GALNTL6: variants seen among roughly 807,000 people sequenced by gnomAD.
The protein encoded by GALNTL6 is polypeptide N-acetylgalactosaminyltransferase like 6.
Under a neutral mutation model 73.7 loss-of-function variants are expected in GALNTL6, and 46 were observed. The ratio of observed to expected loss-of-function variants is 0.62; its 90% CI spans 0.49 to 0.80. The LOEUF is 0.80. Among genes scored for constraint, GALNTL6 ranks in the 30% least tolerant of loss-of-function variants. The pLI is 0.00. For synonymous variants in GALNTL6, 259 were observed against 263.7 expected (o/e 0.98, Z 0.17); for missense variants, 604 against 755.0 (o/e 0.80, Z 2.34).
chr4:172,546,130 A>T (rs1053505294), intron 5 of GALNTL6, among the ~76,000 whole-genome samples: 2 of 152,166 alleles, frequency 1.3e-5, no homozygotes, highest in Non-Finnish European at 2.9e-5. Flanking sequence ...CATTTTATGG[A>T]TGACAAAACC....
At position 172,955,790 on chromosome 4, in the gene GALNTL6, T is replaced by A. The variant is rs187633752; in HGVS notation, c.1371+3532T>A. Among the ~76,000 whole-genome samples the A allele has an allele frequency of 1.4e-3, 214 of 147,726 alleles. 1 individual carries two copies. The highest frequency in any genetic ancestry group is 5.1e-3 in the African/African-American group (204 of 39,828). Reference sequence around the variant, plus strand: ...AGGGGTGGGGCCGTTTTATAGGATTTGGGTAGGTAAAGGAAAATTACAGTC... The same window carrying A: ...AGGGGTGGGGCCGTTTTATAGGATTAGGGTAGGTAAAGGAAAATTACAGTC... On this transcript the variant is annotated intron_variant, in intron 10 of 12. Coordinates refer to ENST00000506823, the MANE Select transcript of GALNTL6 (RefSeq NM_001034845.3).
intron 2 of GALNTL6, among the ~76,000 whole-genome samples, chr4:171,835,334 G>T (rs1735071822): frequency 6.6e-6 from 1 of 151,996 alleles, no homozygotes; most frequent in South Asian, 2.1e-4. Flanking sequence ...ATCTGTGTGT[G>T]TCTGTATGTC....
At chr4:172,605,228 G>T (rs1270046115) in intron 5 of GALNTL6, among the ~76,000 whole-genome samples, 2 of 152,112 alleles carry the variant, frequency 1.3e-5, no homozygotes, top group African/African-American at 4.8e-5. Flanking sequence ...TCTGTAAAGT[G>T]TGCTGCTAAA....
intron 2 of GALNTL6, among the ~76,000 whole-genome samples, chr4:172,072,475 G>A (rs1011204612): frequency 6.6e-6 from 1 of 151,910 alleles, no homozygotes; most frequent in South Asian, 2.1e-4. Context: ...GCCTCACCTT[G>A]AACTACACAC....
At chr4:172,285,099 C>A (rs2111087376) in intron 3 of GALNTL6, among the ~76,000 whole-genome samples, 1 of 152,168 alleles carries the variant, frequency 6.6e-6, no homozygotes, top group East Asian at 1.9e-4. Flanking sequence ...CTAATTGTGT[C>A]ATCTGCATTT....
intron 10 of GALNTL6, among the ~76,000 whole-genome samples, chr4:172,977,092 C>T (rs756217815): frequency 6.6e-6 from 1 of 152,234 alleles, no homozygotes; most frequent in Non-Finnish European, 1.5e-5. Flanking sequence ...TCAGCACATT[C>T]TCTCCATGTA....
chr4:172,768,273 G>A (rs1738557079), intron 5 of GALNTL6, among the ~76,000 whole-genome samples: 1 of 152,086 alleles, frequency 6.6e-6, no homozygotes. Context: ...GCAGGAGAGA[G>A]AAGAGGCAGA....
In GALNTL6 at chr4:172,745,446, T is replaced by TATACACAC. The variant is rs34523518; in HGVS notation, c.554-63914_554-63913insTACACACA. Among the ~76,000 whole-genome samples, 137 of 145,316 alleles carry TATACACAC rather than the reference T, an allele frequency of 9.4e-4. 3 individuals carry two copies. Among genetic ancestry groups the TATACACAC allele is most frequent in the African/African-American group, 2.6e-3 (100 of 38,094 alleles). Reference sequence around the variant, plus strand: ...TTTTCAAAACATATATATATATATGTACACATAACTTTTATAATTAGAAAA... The same window carrying TATACACAC: ...TTTTCAAAACATATATATATATATGTATACACACACACATAACTTTTATAATTAGAAAA... On this transcript the variant is annotated intron_variant, in intron 5 of 12. Transcript: ENST00000506823.
chr4:172,931,336 G>A (rs1471687306), intron 9 of GALNTL6, 68 bp downstream of exon 9: 1 of 893,134 alleles, frequency 1.1e-6, no homozygotes, highest in African/African-American at 1.6e-5. Context: ...AACCAACCTT[G>A]CCCATGGCAC....
chr4:172,815,988 T>C (rs1324263760), intron 7 of GALNTL6, among the ~76,000 whole-genome samples: 3 of 152,220 alleles, frequency 2.0e-5, no homozygotes, highest in African/African-American at 7.2e-5. Flanking sequence ...AATTTCATTA[T>C]CACGGCAGTC....
At chr4:172,539,878 TATATATA>T (rs1561128640) in intron 5 of GALNTL6, among the ~76,000 whole-genome samples, 321 of 5,284 alleles carry the variant, frequency 0.061, 2 homozygotes, top group African/African-American at 0.13. Flanking sequence ...CATATGATTA[TATATATA>T]TATATATATA....
At chr4:172,588,056 G>T (rs930924933) in intron 5 of GALNTL6, among the ~76,000 whole-genome samples, 1 of 152,076 alleles carries the variant, frequency 6.6e-6, no homozygotes, top group Non-Finnish European at 1.5e-5. Flanking sequence ...TGAAGATATG[G>T]TTGATATTAG....
intron 10 of GALNTL6, 137 bp from the exon 11 acceptor site, chr4:173,009,041 C>A: frequency 1.5e-6 from 1 of 648,448 alleles, no homozygotes; most frequent in East Asian, 2.6e-5. Context: ...AAATTGCATA[C>A]AAATTCAAGG....
chr4:172,951,562 C>T (rs1199225985), intron 9 of GALNTL6, among the ~76,000 whole-genome samples: 1 of 152,180 alleles, frequency 6.6e-6, no homozygotes, highest in South Asian at 2.1e-4. Context: ...TACAAATGCT[C>T]GGTGATCTCT....
intron 12 of GALNTL6, among the ~76,000 whole-genome samples, chr4:173,032,636 G>A (rs972012239): frequency 6.6e-6 from 1 of 152,078 alleles, no homozygotes; most frequent in Admixed American, 6.6e-5. Flanking sequence ...AGTGAGCCAA[G>A]GTGGCGCCAC....
intron 2 of GALNTL6, among the ~76,000 whole-genome samples, chr4:171,895,052 A>G (rs1736870409): frequency 6.6e-6 from 1 of 152,226 alleles, no homozygotes; most frequent in Non-Finnish European, 1.5e-5. Flanking sequence ...AGAAGAGACC[A>G]TATATGATTT....
At chr4:172,539,346 A>C (rs1213711263) in intron 5 of GALNTL6, among the ~76,000 whole-genome samples, 2 of 152,170 alleles carry the variant, frequency 1.3e-5, no homozygotes, top group Non-Finnish European at 2.9e-5. Context: ...ATTTACATAA[A>C]CTATTGTTAC....
chr4:172,080,663 G>T (rs755280251), intron 2 of GALNTL6, among the ~76,000 whole-genome samples: 1 of 151,316 alleles, frequency 6.6e-6, no homozygotes. Context: ...GTTGTATATC[G>T]TATATCAATG....
At chr4:172,672,361 C>T (rs1332992261) in intron 5 of GALNTL6, among the ~76,000 whole-genome samples, 1 of 152,210 alleles carries the variant, frequency 6.6e-6, no homozygotes, top group East Asian at 1.9e-4. Flanking sequence ...ATAAAGCCTA[C>T]TTAATCATGG....
Sources: gnomAD v4.1 joint callset for allele counts (sites outside exome capture counted in the v4.1 genomes callset) on GRCh38, gnomAD v4.1.1 for gene constraint, MANE v1.5 for transcripts, NCBI Gene and HGNC (gene_info 2026-07-23, HGNC 2026-07-21) for gene names.